Variants in PALLD observed in about 807,000 individuals in gnomAD.
PALLD encodes palladin.
A neutral mutation model predicts 123.5 loss-of-function variants in PALLD; 61 were observed. The observed-to-expected ratio is 0.49, with a 90% confidence interval of 0.40 to 0.61. The LOEUF is 0.61. Among genes scored for constraint, PALLD ranks in the 20% least tolerant of loss-of-function variants. PALLD has a pLI of 0.00. For missense variants in PALLD, 1,273 were observed against 1,377.0 expected (o/e 0.92, Z 1.20); for synonymous variants, 465 against 496.4 (o/e 0.94, Z 0.84).
intron 1 of PALLD, among the ~76,000 whole-genome samples, chr4:168,504,169 A>G (rs1027877820): frequency 2.0e-5 from 3 of 152,312 alleles, no homozygotes; most frequent in Non-Finnish European, 2.9e-5. Flanking sequence ...CGTTGATTTC[A>G]TGTTCAACTT....
rs9992935 is a variant in PALLD at position 168,743,835 on chromosome 4, C to T, written c.1964+31912C>T. The stretch of plus-strand genomic sequence containing the variant: ...CTTTTAAAAACATCCTTCAGGAGAC[C>T]GCCATGTATCTATCTGTGGACATCT... On this transcript the variant is annotated intron_variant, in intron 10 of 21. Transcript: ENST00000505667. Among the ~76,000 whole-genome samples, 308 of 152,166 alleles carry T rather than the reference C, an allele frequency of 2.0e-3. 1 individual carries two copies. The highest frequency in any genetic ancestry group is 6.9e-3 in the African/African-American group (287 of 41,500).
chr4:168,655,963 G>T (rs903227413), intron 2 of PALLD, among the ~76,000 whole-genome samples: 1 of 152,210 alleles, frequency 6.6e-6, no homozygotes, highest in Non-Finnish European at 1.5e-5. Flanking sequence ...AATAGGAGCT[G>T]TGGCCCCTTT....
At chr4:168,575,165 A>G (rs1398658191) in intron 2 of PALLD, among the ~76,000 whole-genome samples, 1 of 152,098 alleles carries the variant, frequency 6.6e-6, no homozygotes, top group Non-Finnish European at 1.5e-5. Flanking sequence ...AATCACCTGG[A>G]GGGCTTATAA....
intron 10 of PALLD, among the ~76,000 whole-genome samples, chr4:168,728,555 A>T (rs1411585490): frequency 6.6e-6 from 1 of 152,186 alleles, no homozygotes; most frequent in East Asian, 1.9e-4. Context: ...TTGATTTTGT[A>T]TCCTGAAACC....
intron 10 of PALLD, among the ~76,000 whole-genome samples, chr4:168,782,031 G>A (rs1028526287): frequency 1.3e-5 from 2 of 152,188 alleles, no homozygotes; most frequent in Non-Finnish European, 2.9e-5. Context: ...GGTTTGCTTA[G>A]GGATTATCTG....
chr4:168,695,077 C>T (rs1414972529), intron 8 of PALLD, among the ~76,000 whole-genome samples: 1 of 152,168 alleles, frequency 6.6e-6, no homozygotes, highest in East Asian at 1.9e-4. Context: ...AACACAAAAA[C>T]GCGTCTTACT....
chr4:168,678,903 A>T lies in PALLD; in HGVS notation c.1088-2429A>T, dbSNP rs1043670341. Among the ~76,000 whole-genome samples the T allele has an allele frequency of 6.3e-5, 7 of 110,992 alleles. 1 individual carries two copies. The highest frequency in any genetic ancestry group is 3.2e-4 in the South Asian group (1 of 3,096). The allele number at this position is 110,992 out of a possible 152,430, so 72.8% of individuals were successfully genotyped here. A position where few individuals can be genotyped will look rare whatever the true frequency, so the allele number is the denominator to read the frequency against. On this transcript the variant is annotated intron_variant, in intron 3 of 21. Coordinates refer to ENST00000505667, the MANE Select transcript of PALLD (RefSeq NM_001166108.2). The stretch of plus-strand genomic sequence containing the variant: ...TGTGTGGTGGTGTGGTGAGGTGTGT[A>T]TGTGTGGTGTGTGTATGTGCAGTGG...
chr4:168,631,345 T>C (rs188665850), intron 2 of PALLD, among the ~76,000 whole-genome samples: 9 of 152,208 alleles, frequency 5.9e-5, no homozygotes, highest in African/African-American at 2.2e-4. Flanking sequence ...GTTTCCTAAA[T>C]GAACAGAGGT....
intron 10 of PALLD, among the ~76,000 whole-genome samples, chr4:168,759,915 G>A (rs1242739557): frequency 6.6e-6 from 1 of 151,958 alleles, no homozygotes; most frequent in Non-Finnish European, 1.5e-5. Context: ...TTAGCCAGGG[G>A]TGGTGGCTCA....
intron 10 of PALLD, among the ~76,000 whole-genome samples, chr4:168,737,546 TTTC>T (rs1426994334): frequency 6.6e-6 from 1 of 152,090 alleles, no homozygotes; most frequent in East Asian, 1.9e-4. Flanking sequence ...TGAAAACAGT[TTTC>T]TTTACTAAAA....
At chr4:168,676,405 G>A (rs1381314460) in intron 3 of PALLD, among the ~76,000 whole-genome samples, 1 of 151,662 alleles carries the variant, frequency 6.6e-6, no homozygotes, top group Admixed American at 6.6e-5. Context: ...TGAGAGAAAG[G>A]ATGTATTTAT....
intron 10 of PALLD, among the ~76,000 whole-genome samples, chr4:168,818,796 A>C (rs1354994671): frequency 6.6e-6 from 1 of 152,228 alleles, no homozygotes; most frequent in East Asian, 1.9e-4. Flanking sequence ...ATTATGCAGC[A>C]ATTAAAACTG....
chr4:168,790,567 A>C (rs1221336074), intron 10 of PALLD, among the ~76,000 whole-genome samples: 1 of 152,118 alleles, frequency 6.6e-6, no homozygotes, highest in Non-Finnish European at 1.5e-5. Flanking sequence ...TGACCAATCT[A>C]TGCTTTCTCA....
rs532757659 is a variant in PALLD at position 168,919,913 on chromosome 4, C to T, written c.2851-1621C>T. ...AGAAAAAAGGTACAAGGGGCATTCT[C>T]TTTGCCCTAGCATGAGTAACTATCC... On this transcript the variant is annotated intron_variant, in intron 17 of 21. Transcript: ENST00000505667. Among the ~76,000 whole-genome samples the T allele has an allele frequency of 3.3e-5, 5 of 152,316 alleles. No individual in the cohort carries two copies. In the East Asian group the frequency reaches 9.7e-4, roughly 29 times the overall value.
chr4:168,612,043 C>T (rs1773780888), intron 2 of PALLD, among the ~76,000 whole-genome samples: 1 of 151,978 alleles, frequency 6.6e-6, no homozygotes, highest in Non-Finnish European at 1.5e-5. Context: ...GCCTATAGTC[C>T]CAGCTACTTG....
rs563712341 is a variant in PALLD at position 168,694,795 on chromosome 4, T to C, written c.1501+3503T>C. 3.4e-4 allele frequency among the ~76,000 whole-genome samples: 52 copies of C among 152,356 alleles called. 1 individual carries two copies. In the South Asian group the frequency reaches 0.011, roughly 31 times the overall value. The stretch of plus-strand genomic sequence containing the variant: ...CTGTCTAGACAGAAGTCAGCTTGCA[T>C]CACAAATCTTTTCAGACTGTTTTGT... On this transcript the variant is annotated intron_variant, in intron 8 of 21. Coordinates refer to ENST00000505667, the MANE Select transcript of PALLD (RefSeq NM_001166108.2).
At chr4:168,583,153 A>C (rs1770461884) in intron 2 of PALLD, among the ~76,000 whole-genome samples, 1 of 152,166 alleles carries the variant, frequency 6.6e-6, no homozygotes, top group Non-Finnish European at 1.5e-5. Flanking sequence ...AATATGTACA[A>C]AACTAAAATA....
At chr4:168,634,813 T>C (rs559306983) in intron 2 of PALLD, among the ~76,000 whole-genome samples, 4 of 152,078 alleles carry the variant, frequency 2.6e-5, no homozygotes, top group Non-Finnish European at 5.9e-5. Flanking sequence ...AACTTGAACT[T>C]TTTTTTTAAA....
chr4:168,750,239 G>A (rs938692803), intron 10 of PALLD, among the ~76,000 whole-genome samples: 7 of 152,226 alleles, frequency 4.6e-5, no homozygotes, highest in South Asian at 2.1e-4. Context: ...GAACCAATGC[G>A]CCTGGCCAGT....
Sources: gnomAD v4.1 joint callset for allele counts (sites outside exome capture counted in the v4.1 genomes callset) on GRCh38, gnomAD v4.1.1 for gene constraint, MANE v1.5 for transcripts, NCBI Gene and HGNC (gene_info 2026-07-23, HGNC 2026-07-21) for gene names.